Variants in SPTBN1 observed in about 807,000 individuals in gnomAD.
SPTBN1 encodes spectrin beta chain, non-erythrocytic 1.
Under a neutral mutation model 266.4 loss-of-function variants are expected in SPTBN1, and 32 were observed. The observed-to-expected ratio is 0.12, with a 90% CI of 0.09 to 0.16. The LOEUF (loss-of-function observed/expected upper bound fraction) is 0.16. Among genes scored for constraint, SPTBN1 ranks in the 10% least tolerant of loss-of-function variants. SPTBN1 has a pLI of 1.00. For synonymous variants in SPTBN1, 1,336 were observed against 1,162.2 expected, an observed-to-expected ratio of 1.15 and a Z score of -3.04; for missense variants, 2,296 against 3,067.1, an observed-to-expected ratio of 0.75 and a Z score of 5.94.
At chr2:54,574,444 A>G (rs1320439957) in intron 2 of SPTBN1, among the ~76,000 whole-genome samples, 4 of 152,196 alleles carry the variant, frequency 2.6e-5, no homozygotes, top group East Asian at 3.8e-4. Flanking sequence ...GCAGCAGCCT[A>G]CACGTTTCTT....
In SPTBN1 at chr2:54,626,886, C is replaced by A. The variant is rs950336819; in HGVS notation, c.1644+652C>A. On this transcript the variant is annotated intron_variant, in intron 12 of 35. Coordinates refer to ENST00000356805, the MANE Select transcript of SPTBN1 (RefSeq NM_003128.3). The surrounding 1 kb of genome is among the most constrained non-coding windows in gnomAD (Gnocchi z 4.7). ...CATAGAGTTCCAACCTTTCCCCCTTCCCAGGAAGAGACCTGCTATCATGCC... is the reference window on the plus strand; with the variant it reads ...CATAGAGTTCCAACCTTTCCCCCTTACCAGGAAGAGACCTGCTATCATGCC... 1.3e-5 allele frequency among the ~76,000 whole-genome samples: 2 copies of A among 152,224 alleles called. No individual in the cohort carries two copies. The highest frequency in any genetic ancestry group is 4.8e-5 in the African/African-American group (2 of 41,442).
chr2:54,664,227 G>A lies in SPTBN1; in HGVS notation c.6421-226G>A. 1 of 524,276 alleles carries A rather than the reference G, an allele frequency of 1.9e-6. No individual in the cohort carries two copies. Among genetic ancestry groups the A allele is most frequent in the Non-Finnish European group, 3.4e-6 (1 of 294,964 alleles). The allele number at this position is 524,276 out of a possible 1,614,324, so 32.5% of individuals were successfully genotyped here. A position where few individuals can be genotyped will look rare whatever the true frequency, so the allele number is the denominator to read the frequency against. Reference sequence around the variant, plus strand: ...ATAGAGTGCAGTAAAACTCATACTGGCATTTCGCTTTTCTCATTTCCCTGT... The same window carrying A: ...ATAGAGTGCAGTAAAACTCATACTGACATTTCGCTTTTCTCATTTCCCTGT... On this transcript the variant is annotated intron_variant, in intron 32 of 35. Transcript: ENST00000356805. This position sits in a 1 kb window ranked among gnomAD's most constrained non-coding sequence, Gnocchi z 5.6.
At chr2:54,528,351 G>A (rs1402782654) in intron 2 of SPTBN1, 1 of 152,576 alleles carries the variant, frequency 6.6e-6, no homozygotes, top group Non-Finnish European at 1.5e-5. Context: ...CTTTGCATGT[G>A]GTCTTTCCTA....
intron 28 of SPTBN1, among the ~76,000 whole-genome samples, chr2:54,655,665 G>A (rs1055876629): frequency 7.2e-5 from 11 of 152,202 alleles, no homozygotes; most frequent in African/African-American, 2.2e-4. Context: ...CGTGTTTGCC[G>A]CAGGGAGCCT....
chr2:54,613,070 G>C (rs754073543), intron 4 of SPTBN1, among the ~76,000 whole-genome samples: 2 of 152,172 alleles, frequency 1.3e-5, no homozygotes, highest in Non-Finnish European at 2.9e-5. Flanking sequence ...GGGTGCCTCT[G>C]ACCCCTTAAG....
intron 1 of SPTBN1, among the ~76,000 whole-genome samples, chr2:54,477,613 C>T (rs1321297526): frequency 2.6e-5 from 4 of 152,058 alleles, no homozygotes; most frequent in South Asian, 4.1e-4. Flanking sequence ...GCTGCCATTA[C>T]GATTAAGACT....
chr2:54,628,082 G>T lies in SPTBN1; in HGVS notation c.1645-15G>T. On this transcript the variant is annotated splice_polypyrimidine_tract_variant and intron_variant, in intron 12 of 35. Coordinates refer to ENST00000356805, the MANE Select transcript of SPTBN1 (RefSeq NM_003128.3). This position sits in a 1 kb window ranked among gnomAD's most constrained non-coding sequence, Gnocchi z 4.3. Reference sequence around the variant, plus strand: ...TATAGTCACAGATGTCCTTTTGGTTGCTTCTTGTGCACAGGTGCTAGTATT... The same window carrying T: ...TATAGTCACAGATGTCCTTTTGGTTTCTTCTTGTGCACAGGTGCTAGTATT... 6.3e-7 allele frequency: 1 copy of T among 1,597,424 alleles called. No individual in the cohort carries two copies. The highest frequency in any genetic ancestry group is 2.3e-5 in the East Asian group (1 of 44,224).
chr2:54,607,688 C>T (rs757467529), intron 3 of SPTBN1, among the ~76,000 whole-genome samples: 1 of 151,992 alleles, frequency 6.6e-6, no homozygotes, highest in African/African-American at 2.4e-5. Context: ...AATACTGTGC[C>T]GTTTTATATA....
intron 2 of SPTBN1, among the ~76,000 whole-genome samples, chr2:54,559,729 C>G (rs1558839168): frequency 6.6e-6 from 1 of 152,192 alleles, no homozygotes; most frequent in Admixed American, 6.5e-5. Context: ...AGAACTCCTT[C>G]CGTTTGGAAG....
At chr2:54,589,045 C>T (rs953264291) in intron 2 of SPTBN1, among the ~76,000 whole-genome samples, 1 of 152,066 alleles carries the variant, frequency 6.6e-6, no homozygotes, top group Non-Finnish European at 1.5e-5. Flanking sequence ...GGATATCCAT[C>T]CCCTCAAGCA....
At chr2:54,665,855 C>A (rs1454228679) in intron 33 of SPTBN1, 60 bp from the exon 34 acceptor site, 2 of 1,537,094 alleles carry the variant, frequency 1.3e-6, no homozygotes, top group African/African-American at 2.8e-5. Flanking sequence ...ATGTTTAGTT[C>A]TTTAAGGGGA....
chr2:54,591,762 G>T (rs375447152), intron 2 of SPTBN1, among the ~76,000 whole-genome samples: 1 of 152,192 alleles, frequency 6.6e-6, no homozygotes, highest in African/African-American at 2.4e-5. Context: ...GAAAGATGCC[G>T]TACAATCATT....
At chr2:54,662,131 C>G (rs1681091041) in intron 32 of SPTBN1, 2 of 985,190 alleles carry the variant, frequency 2.0e-6, no homozygotes, top group Non-Finnish European at 2.4e-6. Flanking sequence ...CACTAAAGCA[C>G]TCTGGACTAA....
At chr2:54,486,117 C>T (rs922758682) in intron 1 of SPTBN1, among the ~76,000 whole-genome samples, 25 of 149,266 alleles carry the variant, frequency 1.7e-4, no homozygotes, top group Admixed American at 1.4e-3. Flanking sequence ...GCCCCACGCC[C>T]GGCCAGCCGC....
chr2:54,581,577 C>CTTTTTTTTTTTTTTTTTTTTTTT (rs70944181), intron 2 of SPTBN1, among the ~76,000 whole-genome samples: 14 of 102,658 alleles, frequency 1.4e-4, no homozygotes, highest in South Asian at 3.7e-4. Flanking sequence ...TTTCTTTGCC[C>CTTTTTTTTTTTTTTTTTTTTTTT]TTTTTTTTTT....
intron 10 of SPTBN1, 90 bp downstream of exon 10, chr2:54,623,686 C>A: frequency 9.8e-7 from 1 of 1,020,226 alleles, no homozygotes; most frequent in Non-Finnish European, 1.5e-6. Flanking sequence ...GGACAAGAGA[C>A]TGGAAGGGGC....
At chr2:54,620,735 A>C (rs13427468) in intron 7 of SPTBN1, among the ~76,000 whole-genome samples, 5,734 of 152,280 alleles carry the variant, frequency 0.038, 355 homozygotes, top group African/African-American at 0.12. Flanking sequence ...CACTTAAAAG[A>C]AGCCTGGTGA....
At chr2:54,551,879 AC>A (rs1367405550) in intron 2 of SPTBN1, among the ~76,000 whole-genome samples, 8 of 151,954 alleles carry the variant, frequency 5.3e-5, no homozygotes, top group Non-Finnish European at 1.2e-4. Flanking sequence ...TGACAGCCCC[AC>A]CTCAAATAAA....
chr2:54,620,666 A>G (rs1166986223), intron 7 of SPTBN1, among the ~76,000 whole-genome samples: 3 of 152,152 alleles, frequency 2.0e-5, no homozygotes, highest in Non-Finnish European at 2.9e-5. Context: ...TTAGTAAGGA[A>G]TACAGTGTTT....
Sources: allele counts gnomAD v4.1 joint callset (sites outside exome capture counted in the v4.1 genomes callset), GRCh38; gene constraint gnomAD v4.1.1; non-coding constraint Gnocchi (gnomAD v3.1); transcripts MANE v1.5; gene names NCBI Gene and HGNC (gene_info 2026-07-23, HGNC 2026-07-21).